RORA: variants seen among roughly 807,000 people sequenced by gnomAD.
The protein encoded by RORA is RAR related orphan receptor A.
Under a neutral mutation model 69.5 loss-of-function variants are expected in RORA, and 7 were observed. The observed-to-expected ratio is 0.10, with a 90% confidence interval of 0.06 to 0.19. The LOEUF is 0.19. RORA is among the 10% of genes least tolerant of loss of function. The probability of loss-of-function intolerance (pLI) is 1.00; values close to 1 mark genes in which losing one functional copy is unlikely to be tolerated. For synonymous variants in RORA, 261 were observed against 240.8 expected (o/e 1.08, Z -0.78); for missense variants, 457 against 663.0 (o/e 0.69, Z 3.41).
chr15:61,162,245 C>T (rs912086613), intron 1 of RORA, among the ~76,000 whole-genome samples: 4 of 152,194 alleles, frequency 2.6e-5, no homozygotes, highest in Admixed American at 1.3e-4. Flanking sequence ...ATAAAAGTGT[C>T]TTGGATCATC....
At chr15:61,033,867 G>C (rs1896314140) in intron 1 of RORA, among the ~76,000 whole-genome samples, 1 of 151,192 alleles carries the variant, frequency 6.6e-6, no homozygotes, top group African/African-American at 2.4e-5. Context: ...CCAGAACTTT[G>C]AGACCAGCTG....
intron 1 of RORA, among the ~76,000 whole-genome samples, chr15:60,999,469 A>G (rs567206891): frequency 1.3e-5 from 2 of 152,220 alleles, no homozygotes; most frequent in Non-Finnish European, 2.9e-5. Flanking sequence ...TTTGAGGCCA[A>G]ATAAATTAGC....
chr15:61,137,352 C>T (rs923179726), intron 1 of RORA, among the ~76,000 whole-genome samples: 1 of 152,204 alleles, frequency 6.6e-6, no homozygotes, highest in Non-Finnish European at 1.5e-5. Context: ...TTCTCTCTGG[C>T]GCCCAAAGTG....
At chr15:60,951,906 T>C (rs1470512171) in intron 1 of RORA, among the ~76,000 whole-genome samples, 5 of 149,718 alleles carry the variant, frequency 3.3e-5, no homozygotes, top group East Asian at 3.9e-4. Flanking sequence ...TTCCAATCAA[T>C]AGAAAAAGAG....
At chr15:60,928,197 G>A (rs1185770660) in intron 1 of RORA, among the ~76,000 whole-genome samples, 1 of 152,130 alleles carries the variant, frequency 6.6e-6, no homozygotes, top group African/African-American at 2.4e-5. Context: ...AGACTCCCCT[G>A]CATCTCACAT....
Position 60,773,614 on chromosome 15 carries a change from A to C in RORA, c.167-94928T>G, listed in dbSNP as rs1039505281. On this transcript the variant is annotated intron_variant, in intron 1 of 10. Transcript: ENST00000335670. ...GGCTACAAAAGAGAGAATTGAAAGC[A>C]AGAGAACTCTCCATGTTAGAGGTAA... Among the ~76,000 whole-genome samples, 3 of 152,218 alleles carry C rather than the reference A, an allele frequency of 2.0e-5. 1 individual carries two copies. Among genetic ancestry groups the C allele is most frequent in the Admixed American group, 6.5e-5 (1 of 15,286 alleles).
chr15:60,779,259 G>A (rs538107607), intron 1 of RORA, among the ~76,000 whole-genome samples: 44 of 152,258 alleles, frequency 2.9e-4, no homozygotes, highest in Middle Eastern at 3.4e-3. Flanking sequence ...GGAGTGATCC[G>A]AGTGGCCTCT....
chr15:60,673,299 A>G (rs919308605), intron 2 of RORA, among the ~76,000 whole-genome samples: 2 of 152,232 alleles, frequency 1.3e-5, no homozygotes, highest in African/African-American at 4.8e-5. Context: ...ACTTTGGAAG[A>G]ACTGACTGGC....
intron 1 of RORA, among the ~76,000 whole-genome samples, chr15:61,040,156 AT>A (rs1566958468): frequency 4.0e-5 from 5 of 125,036 alleles, no homozygotes; most frequent in East Asian, 2.5e-4. Context: ...ATATATATAT[AT>A]ATATATAAAA....
At chr15:60,745,341 G>C (rs1199562959) in intron 1 of RORA, among the ~76,000 whole-genome samples, 1 of 152,180 alleles carries the variant, frequency 6.6e-6, no homozygotes, top group Admixed American at 6.5e-5. Context: ...TCACTCCCAG[G>C]ATCCGCATCT....
chr15:61,078,054 T>C (rs1294755326), intron 1 of RORA, among the ~76,000 whole-genome samples: 2 of 152,238 alleles, frequency 1.3e-5, no homozygotes, highest in East Asian at 3.8e-4. Context: ...GCCTGATACC[T>C]ACTTCTTAGT....
intron 2 of RORA, among the ~76,000 whole-genome samples, chr15:60,604,879 A>C (rs963430200): frequency 2.0e-5 from 3 of 152,204 alleles, no homozygotes; most frequent in African/African-American, 7.2e-5. Flanking sequence ...TCAGGCAATA[A>C]ACATGAAACC....
chr15:60,738,372 C>A (rs75362894), intron 1 of RORA, among the ~76,000 whole-genome samples: 3 of 152,190 alleles, frequency 2.0e-5, no homozygotes, highest in Non-Finnish European at 4.4e-5. Context: ...TTTCCCAGAT[C>A]CCCGGGCTGA....
At chr15:60,772,895 G>A (rs1396665302) in intron 1 of RORA, among the ~76,000 whole-genome samples, 1 of 152,210 alleles carries the variant, frequency 6.6e-6, no homozygotes, top group Non-Finnish European at 1.5e-5. Context: ...AAATGTCTCC[G>A]ATTAAGCCCT....
intron 2 of RORA, among the ~76,000 whole-genome samples, chr15:60,615,372 G>C (rs1396049837): frequency 6.6e-6 from 1 of 152,172 alleles, no homozygotes; most frequent in Admixed American, 6.5e-5. Context: ...TAACACCCCA[G>C]CCGGTATCTC....
At chr15:61,123,398 T>A (rs969095550) in intron 1 of RORA, among the ~76,000 whole-genome samples, 17 of 152,228 alleles carry the variant, frequency 1.1e-4, no homozygotes, top group African/African-American at 4.1e-4. Flanking sequence ...CCCAAGATAA[T>A]GTAAGGGCAG....
chr15:61,204,887 C>G (rs916622288), intron 1 of RORA, among the ~76,000 whole-genome samples: 2 of 152,186 alleles, frequency 1.3e-5, no homozygotes, highest in Admixed American at 1.3e-4. Flanking sequence ...CCAATCAGCC[C>G]TGAGGCTTAT....
intron 1 of RORA, among the ~76,000 whole-genome samples, chr15:60,711,199 C>T (rs1399260157): frequency 6.6e-6 from 1 of 152,216 alleles, no homozygotes; most frequent in East Asian, 1.9e-4. Flanking sequence ...AGTCTCCGTG[C>T]CCTCAAGGCT....
intron 1 of RORA, among the ~76,000 whole-genome samples, chr15:60,910,873 C>A (rs928611658): frequency 2.7e-5 from 3 of 112,444 alleles, no homozygotes; most frequent in African/African-American, 9.9e-5. Flanking sequence ...GAGGCTCTGG[C>A]TGTTTTTTTT....
Sources: allele counts gnomAD v4.1 joint callset (sites outside exome capture counted in the v4.1 genomes callset), GRCh38; gene constraint gnomAD v4.1.1; transcripts MANE v1.5; gene names NCBI Gene and HGNC (gene_info 2026-07-23, HGNC 2026-07-21).